Variants in EPHB1 observed in about 807,000 individuals in gnomAD.
The protein encoded by EPHB1 is ephrin type-B receptor 1.
In EPHB1, 30 loss-of-function variants were observed where a neutral mutation model predicts 94.4. The ratio of observed to expected loss-of-function variants is 0.32; its 90% CI spans 0.24 to 0.43. The LOEUF (loss-of-function observed/expected upper bound fraction) is 0.43, where lower values mean the gene tolerates loss of function less well. EPHB1 is among the 20% of genes least tolerant of loss of function. The probability of loss-of-function intolerance (pLI) is 1.00; values close to 1 mark genes in which losing one functional copy is unlikely to be tolerated. For synonymous variants in EPHB1, 522 were observed against 489.1 expected (o/e 1.07, Z -0.89); for missense variants, 1,055 against 1,308.3 (o/e 0.81, Z 2.99).
In EPHB1 at chr3:134,887,443, A is replaced by C. The variant is rs530142931; in HGVS notation, c.59-38373A>C. 2.0e-5 allele frequency among the ~76,000 whole-genome samples: 3 copies of C among 152,340 alleles called. No homozygotes were observed. In the South Asian group the frequency reaches 6.2e-4, roughly 32 times the overall value. ...AGAAATATCATTTTTGGAGGGAAGAATTGGGAAAGTCACATTACTAAGACA... is the reference window on the plus strand; with the variant it reads ...AGAAATATCATTTTTGGAGGGAAGACTTGGGAAAGTCACATTACTAAGACA... On this transcript the variant is annotated intron_variant, in intron 1 of 15. Coordinates refer to ENST00000398015, the MANE Select transcript of EPHB1 (RefSeq NM_004441.5).
At chr3:135,226,156 G>A (rs953932348) in intron 12 of EPHB1, among the ~76,000 whole-genome samples, 2 of 152,212 alleles carry the variant, frequency 1.3e-5, no homozygotes, top group African/African-American at 4.8e-5. Flanking sequence ...ACAGCTGTGG[G>A]CAGCTTGGCC....
intron 1 of EPHB1, among the ~76,000 whole-genome samples, chr3:134,862,741 C>A (rs1392403940): frequency 7.2e-5 from 11 of 152,156 alleles, no homozygotes; most frequent in Middle Eastern, 6.8e-3. Context: ...GAAGGCTGGT[C>A]TTGGGCCCTG....
intron 12 of EPHB1, among the ~76,000 whole-genome samples, chr3:135,211,750 G>C (rs1456186469): frequency 6.6e-6 from 1 of 151,988 alleles, no homozygotes; most frequent in Non-Finnish European, 1.5e-5. Context: ...TATTTCTCTG[G>C]CTGCTTCCAA....
intron 3 of EPHB1, among the ~76,000 whole-genome samples, chr3:135,002,024 C>T (rs1245129459): frequency 2.0e-5 from 3 of 152,192 alleles, no homozygotes; most frequent in Non-Finnish European, 4.4e-5. Flanking sequence ...AACAATCCAA[C>T]TCTTCATCAA....
At chr3:135,253,688 C>CGA (rs1933234113) in intron 15 of EPHB1, among the ~76,000 whole-genome samples, 1 of 142,082 alleles carries the variant, frequency 7.0e-6, no homozygotes, top group Non-Finnish European at 1.5e-5. Context: ...ATTGACTTGG[C>CGA]GATGCGGGCT....
chr3:135,085,410 G>A (rs890137953), intron 3 of EPHB1, among the ~76,000 whole-genome samples: 3 of 152,192 alleles, frequency 2.0e-5, no homozygotes, highest in East Asian at 1.9e-4. Flanking sequence ...GTTTCTGGTC[G>A]GTGTCAACAC....
chr3:135,217,155 C>G (rs1215731643), intron 12 of EPHB1, among the ~76,000 whole-genome samples: 1 of 152,140 alleles, frequency 6.6e-6, no homozygotes, highest in East Asian at 1.9e-4. Context: ...GTGCCACAAA[C>G]AGCCCGAGAC....
At chr3:135,013,330 C>T (rs1280790855) in intron 3 of EPHB1, among the ~76,000 whole-genome samples, 3 of 152,228 alleles carry the variant, frequency 2.0e-5, no homozygotes, top group Non-Finnish European at 4.4e-5. Flanking sequence ...GCCAACTCTG[C>T]AGTGCCCACA....
chr3:135,177,864 C>T (rs1182205989), intron 9 of EPHB1, among the ~76,000 whole-genome samples: 1 of 152,190 alleles, frequency 6.6e-6, no homozygotes, highest in African/African-American at 2.4e-5. Flanking sequence ...AAAGGACTGG[C>T]ACCCCCATCT....
chr3:135,217,180 C>G (rs1022209227), intron 12 of EPHB1, among the ~76,000 whole-genome samples: 2 of 152,098 alleles, frequency 1.3e-5, no homozygotes, highest in Admixed American at 1.3e-4. Flanking sequence ...TTGGCTTTGA[C>G]ACAGCCAAGA....
intron 3 of EPHB1, among the ~76,000 whole-genome samples, chr3:135,047,207 A>G (rs550396920): frequency 7.2e-5 from 11 of 152,338 alleles, no homozygotes; most frequent in African/African-American, 2.6e-4. Flanking sequence ...GAGAGAGGAA[A>G]AGAAGTGACA....
At chr3:134,867,766 G>A (rs930057550) in intron 1 of EPHB1, among the ~76,000 whole-genome samples, 5 of 152,114 alleles carry the variant, frequency 3.3e-5, no homozygotes, top group African/African-American at 9.7e-5. Flanking sequence ...CCTATTACCC[G>A]CCCTTGGCAG....
intron 3 of EPHB1, among the ~76,000 whole-genome samples, chr3:135,053,552 G>A (rs530656715): frequency 6.6e-6 from 1 of 152,256 alleles, no homozygotes; most frequent in African/African-American, 2.4e-5. Flanking sequence ...GGTCTTTGAG[G>A]GGAGTCTTAG....
chr3:134,975,491 C>T (rs1257214972), intron 3 of EPHB1, among the ~76,000 whole-genome samples: 1 of 152,150 alleles, frequency 6.6e-6, no homozygotes, highest in Non-Finnish European at 1.5e-5. Context: ...TCCTGACACT[C>T]TGCTACTCTG....
chr3:135,153,530 G>A (rs1941257685), intron 5 of EPHB1, among the ~76,000 whole-genome samples: 1 of 152,058 alleles, frequency 6.6e-6, no homozygotes, highest in African/African-American at 2.4e-5. Context: ...CTCCTTATTG[G>A]AAATTCCCTC....
At chr3:135,027,558 A>T (rs938717586) in intron 3 of EPHB1, among the ~76,000 whole-genome samples, 6 of 150,210 alleles carry the variant, frequency 4.0e-5, no homozygotes, top group African/African-American at 1.2e-4. Context: ...CATCCCAGGG[A>T]TGAAGCCCAC....
At chr3:135,210,230 C>T (rs1943000477) in intron 12 of EPHB1, among the ~76,000 whole-genome samples, 1 of 152,120 alleles carries the variant, frequency 6.6e-6, no homozygotes, top group Non-Finnish European at 1.5e-5. Context: ...ATAGTCTGGA[C>T]CTTTTCATTG....
chr3:135,255,535 GA>G (rs1423849325), intron 15 of EPHB1, among the ~76,000 whole-genome samples: 1 of 146,812 alleles, frequency 6.8e-6, no homozygotes, highest in Non-Finnish European at 1.5e-5. Flanking sequence ...TTTTGAGTGA[GA>G]TTCTTAATCC....
At chr3:135,224,554 T>C (rs1943350190) in intron 12 of EPHB1, among the ~76,000 whole-genome samples, 1 of 152,236 alleles carries the variant, frequency 6.6e-6, no homozygotes, top group African/African-American at 2.4e-5. Flanking sequence ...ATATATTACA[T>C]ATTTTTCTCT....
Sources: gnomAD v4.1 joint callset for allele counts (sites outside exome capture counted in the v4.1 genomes callset) on GRCh38, gnomAD v4.1.1 for gene constraint, MANE v1.5 for transcripts, NCBI Gene and HGNC (gene_info 2026-07-23, HGNC 2026-07-21) for gene names.